WWOX: variants seen among roughly 807,000 people sequenced by gnomAD.
WWOX encodes WW domain-containing oxidoreductase.
WWOX carries 69 observed loss-of-function variants against 46.2 expected under a neutral mutation model. The ratio of observed to expected loss-of-function variants is 1.49; its 90% CI spans 1.23 to 1.82. The LOEUF is 1.82. WWOX is among the 40% of genes most tolerant of loss of function. The pLI is 0.00. For synonymous variants in WWOX, 359 were observed against 202.6 expected (o/e 1.77, Z -6.56); for missense variants, 919 against 542.6 (o/e 1.69, Z -6.89).
intron 6 of WWOX, among the ~76,000 whole-genome samples, chr16:78,391,185 T>G (rs1309938153): frequency 6.6e-6 from 1 of 152,104 alleles, no homozygotes; most frequent in East Asian, 1.9e-4. Context: ...TTTATTCGGG[T>G]GCTGGGAGGT....
chr16:78,904,584 C>A (rs1021813653), intron 8 of WWOX, among the ~76,000 whole-genome samples: 1 of 152,030 alleles, frequency 6.6e-6, no homozygotes, highest in Non-Finnish European at 1.5e-5. Context: ...TGTAAACCCT[C>A]CCTTCCCCAG....
intron 8 of WWOX, among the ~76,000 whole-genome samples, chr16:78,857,248 G>A (rs931054259): frequency 7.2e-5 from 11 of 152,016 alleles, no homozygotes; most frequent in African/African-American, 2.7e-4. Flanking sequence ...GAAAAGAATT[G>A]GCAAACATGA....
intron 8 of WWOX, among the ~76,000 whole-genome samples, chr16:79,172,915 G>C (rs887185009): frequency 3.3e-5 from 5 of 152,074 alleles, no homozygotes; most frequent in African/African-American, 1.2e-4. Flanking sequence ...CAGCTACTCA[G>C]GGGGCTGAGG....
intron 8 of WWOX, among the ~76,000 whole-genome samples, chr16:79,191,885 C>T (rs991908868): frequency 6.6e-6 from 1 of 152,092 alleles, no homozygotes; most frequent in African/African-American, 2.4e-5. Flanking sequence ...GTAGTTTAAA[C>T]AAAATTAGTG....
chr16:78,833,848 T>G (rs1313865128), intron 8 of WWOX, among the ~76,000 whole-genome samples: 1 of 152,264 alleles, frequency 6.6e-6, no homozygotes, highest in Non-Finnish European at 1.5e-5. Flanking sequence ...CAAGGTTTGC[T>G]GGCTCATGCG....
chr16:78,694,735 T>G (rs2048063834), intron 8 of WWOX, among the ~76,000 whole-genome samples: 1 of 152,146 alleles, frequency 6.6e-6, no homozygotes, highest in African/African-American at 2.4e-5. Context: ...CTTTTTCTCA[T>G]AAGAACGCTT....
At chr16:78,556,581 G>T (rs990879278) in intron 8 of WWOX, among the ~76,000 whole-genome samples, 3 of 152,156 alleles carry the variant, frequency 2.0e-5, no homozygotes, top group African/African-American at 7.2e-5. Flanking sequence ...GGACCGGCGT[G>T]CGGTGAGTTG....
chr16:78,803,131 T>C (rs2050939402), intron 8 of WWOX, among the ~76,000 whole-genome samples: 1 of 151,720 alleles, frequency 6.6e-6, no homozygotes, highest in South Asian at 2.1e-4. Context: ...TAAATTAGTC[T>C]TTCAGGATCC....
intron 8 of WWOX, chr16:79,016,248 G>T (rs2047409941): frequency 6.6e-6 from 1 of 152,100 alleles, no homozygotes; most frequent in African/African-American, 2.4e-5. Flanking sequence ...ATCATTAGGG[G>T]TTCTTTCCTC....
chr16:78,955,346 A>T (rs954566089), intron 8 of WWOX, among the ~76,000 whole-genome samples: 1 of 152,178 alleles, frequency 6.6e-6, no homozygotes, highest in African/African-American at 2.4e-5. Flanking sequence ...TGAGAGGAGC[A>T]TTGAGGAGAT....
At chr16:78,556,258 C>T (rs1241100949) in intron 8 of WWOX, among the ~76,000 whole-genome samples, 7 of 148,166 alleles carry the variant, frequency 4.7e-5, no homozygotes, top group African/African-American at 1.5e-4. Context: ...TTCCCTCCTC[C>T]TCTAAAAAAA....
intron 8 of WWOX, among the ~76,000 whole-genome samples, chr16:78,749,501 T>G (rs2049427472): frequency 6.6e-6 from 1 of 152,126 alleles, no homozygotes; most frequent in Non-Finnish European, 1.5e-5. Flanking sequence ...AATGAAGCAT[T>G]TAATGTTTTG....
intron 8 of WWOX, among the ~76,000 whole-genome samples, chr16:78,433,979 C>A (rs1479275895): frequency 2.0e-5 from 3 of 151,506 alleles, no homozygotes; most frequent in African/African-American, 7.3e-5. Context: ...TTAGTAGAGA[C>A]GGGGTTTCAC....
At chr16:79,080,350 C>G (rs1448236447) in intron 8 of WWOX, among the ~76,000 whole-genome samples, 2 of 152,200 alleles carry the variant, frequency 1.3e-5, no homozygotes, top group South Asian at 2.1e-4. Context: ...TTGTATTCCT[C>G]TGTGCACGTC....
intron 8 of WWOX, among the ~76,000 whole-genome samples, chr16:78,619,361 CAAA>C (rs375477648): frequency 1.3e-4 from 9 of 70,722 alleles, no homozygotes; most frequent in African/African-American, 5.4e-4. Flanking sequence ...GACGCCATCT[CAAA>C]AAAAAAAAAA....
chr16:78,934,323 G>A (rs1283619981), intron 8 of WWOX, among the ~76,000 whole-genome samples: 8 of 66,724 alleles, frequency 1.2e-4, no homozygotes, highest in Non-Finnish European at 2.4e-4. Context: ...GGGCGACAGA[G>A]CAAGTCTCCG....
chr16:78,511,652 G>C (rs866416632), intron 8 of WWOX, among the ~76,000 whole-genome samples: 3 of 152,144 alleles, frequency 2.0e-5, no homozygotes, highest in African/African-American at 7.2e-5. Flanking sequence ...TTTATTGTAG[G>C]AGCTAAGTGT....
rs1207718237 is a variant in WWOX at position 78,702,120 on chromosome 16, A to ATATATATATATATT, written c.1056+269371_1056+269372insATATATATATTTAT. On this transcript the variant is annotated intron_variant, in intron 8 of 8. Coordinates refer to ENST00000566780, the MANE Select transcript of WWOX (RefSeq NM_016373.4). ...TAAAGTTATATATATATATATATAT[A>ATATATATATATATT]TATTTATTTATTTTCAAGACATGGT... is the stretch of plus-strand genomic sequence containing the variant. Among the ~76,000 whole-genome samples the ATATATATATATATT allele has an allele frequency of 2.2e-4, 28 of 130,016 alleles. 1 individual carries two copies. Among genetic ancestry groups the ATATATATATATATT allele is most frequent in the African/African-American group, 8.6e-4 (26 of 30,266 alleles). 85.3% of individuals were successfully genotyped at this position (130,016 alleles called of 152,430 possible).
intron 5 of WWOX, among the ~76,000 whole-genome samples, chr16:78,242,736 A>C (rs2037695812): frequency 4.6e-5 from 7 of 152,262 alleles, no homozygotes; most frequent in Admixed American, 4.6e-4. Context: ...AGCCGGGCAC[A>C]GTGGCTCACG....
Sources: allele counts gnomAD v4.1 joint callset (sites outside exome capture counted in the v4.1 genomes callset), GRCh38; gene constraint gnomAD v4.1.1; transcripts MANE v1.5; gene names NCBI Gene and HGNC (gene_info 2026-07-23, HGNC 2026-07-21).